Variants in PTBP3 observed in about 807,000 individuals in gnomAD.
PTBP3 encodes the protein polypyrimidine tract binding protein 3.
Under a neutral mutation model 58.7 loss-of-function variants are expected in PTBP3, and 20 were observed. The ratio of observed to expected loss-of-function variants is 0.34; its 90% CI spans 0.24 to 0.50. PTBP3 has a LOEUF of 0.50. Among genes scored for constraint, PTBP3 ranks in the 20% least tolerant of loss-of-function variants. The pLI is 0.98. For synonymous variants in PTBP3, 185 were observed against 219.8 expected, an observed-to-expected ratio of 0.84 and a Z score of 1.40; for missense variants, 509 against 637.2, an observed-to-expected ratio of 0.80 and a Z score of 2.17.
the PTBP3 span, among the ~76,000 whole-genome samples, chr9:112,359,226 A>C: frequency 3.3e-5 from 5 of 151,066 alleles, no homozygotes; most frequent in East Asian, 9.9e-4. Flanking sequence ...GGATCACCTG[A>C]GGTCAGGAGT....
the PTBP3 span, among the ~76,000 whole-genome samples, chr9:112,348,573 A>G: frequency 6.6e-6 from 1 of 152,250 alleles, no homozygotes; most frequent in African/African-American, 2.4e-5. Flanking sequence ...CCCACTCCGA[A>G]GGAAGAATCG....
intron 4 of PTBP3, among the ~76,000 whole-genome samples, chr9:112,265,751 G>A (rs575823712): frequency 1.5e-4 from 23 of 152,152 alleles, no homozygotes; most frequent in Non-Finnish European, 2.6e-4. Context: ...GGCATAGAGT[G>A]TGTGTAGAAA....
chr9:112,348,928 C>G, the PTBP3 span, among the ~76,000 whole-genome samples: 1 of 152,162 alleles, frequency 6.6e-6, no homozygotes, highest in Non-Finnish European at 1.5e-5. Flanking sequence ...AGGGGATTTC[C>G]CTTATTTTCT....
chr9:112,254,964 C>T (rs1379104657), intron 5 of PTBP3, among the ~76,000 whole-genome samples: 1 of 152,030 alleles, frequency 6.6e-6, no homozygotes, highest in Non-Finnish European at 1.5e-5. Context: ...CAGGAAGCAA[C>T]CAAAGTGTTC....
At chr9:112,356,635 G>A in the PTBP3 span, among the ~76,000 whole-genome samples, 4 of 151,130 alleles carry the variant, frequency 2.6e-5, no homozygotes, top group Non-Finnish European at 5.9e-5. Context: ...TCCGCTGCTT[G>A]TGCTCATATA....
chr9:112,234,962 T>C, intron 7 of PTBP3, 65 bp from the exon 8 acceptor site: 3 of 1,364,188 alleles, frequency 2.2e-6, no homozygotes, highest in Non-Finnish European at 3.1e-6. Flanking sequence ...CAAAGCAATA[T>C]AAAATGGCTC....
At chr9:112,295,256 AAAAAAG>A (rs910444113) in intron 2 of PTBP3, among the ~76,000 whole-genome samples, 4 of 151,888 alleles carry the variant, frequency 2.6e-5, no homozygotes, top group African/African-American at 9.7e-5. Context: ...AAAAAAAAAA[AAAAAAG>A]AAGTTAATCT....
At chr9:112,279,279 T>C (rs1827756293) in intron 2 of PTBP3, among the ~76,000 whole-genome samples, 1 of 152,188 alleles carries the variant, frequency 6.6e-6, no homozygotes, top group South Asian at 2.1e-4. Context: ...AAAATAAGCA[T>C]TCAAAATACT....
chr9:112,254,189 T>C (rs1231972728), intron 5 of PTBP3, among the ~76,000 whole-genome samples: 1 of 152,146 alleles, frequency 6.6e-6, no homozygotes, highest in East Asian at 1.9e-4. Flanking sequence ...TCTCACTATG[T>C]TGGCCAGGCT....
Position 112,220,679 on chromosome 9 carries a change from T to C in PTBP3, c.*3172A>G. ...CTCCAGTAAGTATCAATTAAGATACTGGGTCATTTTTCTATTTGTATGTTA... is the reference window on the plus strand; with the variant it reads ...CTCCAGTAAGTATCAATTAAGATACCGGGTCATTTTTCTATTTGTATGTTA... On this transcript the variant is annotated 3_prime_UTR_variant, in exon 14 of 14. Transcript: ENST00000374257. 1 of 986,506 alleles carries C rather than the reference T, an allele frequency of 1.0e-6. No individual in the cohort carries two copies. The highest frequency in any genetic ancestry group is 1.2e-6 in the Non-Finnish European group (1 of 830,468). The allele number at this position is 986,506 out of a possible 1,614,324, so 61.1% of individuals were successfully genotyped here.
chr9:112,333,672 T>C (rs1055838598), upstream of PTBP3: 1 of 514,940 alleles, frequency 1.9e-6, no homozygotes, highest in African/African-American at 2.1e-5. Flanking sequence ...GCCCCCGCCT[T>C]CCCCACCCCG....
At chr9:112,327,687 G>T (rs1420888979) in intron 1 of PTBP3, among the ~76,000 whole-genome samples, 2 of 151,932 alleles carry the variant, frequency 1.3e-5, no homozygotes, top group African/African-American at 4.8e-5. Context: ...ATACACTTAG[G>T]TATAACATGA....
chr9:112,234,994 A>T, intron 7 of PTBP3, 97 bp from the exon 8 acceptor site: 1 of 988,354 alleles, frequency 1.0e-6, no homozygotes, highest in Non-Finnish European at 1.5e-6. Context: ...ATTACTAACA[A>T]AGAGATTCTG....
the PTBP3 span, among the ~76,000 whole-genome samples, chr9:112,375,417 T>C: frequency 1.3e-5 from 2 of 152,238 alleles, no homozygotes; most frequent in African/African-American, 2.4e-5. Flanking sequence ...TTTCCCTTTA[T>C]TGCTGGCCTG....
chr9:112,250,756 C>T (rs1836078027), intron 7 of PTBP3, among the ~76,000 whole-genome samples, 173 bp downstream of exon 7: 1 of 152,070 alleles, frequency 6.6e-6, no homozygotes, highest in South Asian at 2.1e-4. Context: ...ACTAACAGAA[C>T]CTCCTAATAT....
At chr9:112,244,165 G>A (rs565360518) in intron 7 of PTBP3, among the ~76,000 whole-genome samples, 24 of 151,040 alleles carry the variant, frequency 1.6e-4, no homozygotes, top group East Asian at 5.8e-4. Flanking sequence ...GGTGGCATGC[G>A]CCTGTAGTCC....
intron 2 of PTBP3, 98 bp downstream of exon 2, chr9:112,297,734 A>C: frequency 2.1e-6 from 2 of 967,432 alleles, no homozygotes; most frequent in South Asian, 1.7e-5. Context: ...TGTTATGAAC[A>C]GTGGCACTTC....
chr9:112,359,541 C>T, the PTBP3 span, among the ~76,000 whole-genome samples: 4 of 151,246 alleles, frequency 2.6e-5, no homozygotes, highest in South Asian at 4.2e-4. Context: ...CGGTGGCTCA[C>T]ACCTGTAATC....
At chr9:112,295,493 C>G (rs1428875770) in intron 2 of PTBP3, among the ~76,000 whole-genome samples, 2 of 150,446 alleles carry the variant, frequency 1.3e-5, no homozygotes, top group Non-Finnish European at 3.0e-5. Flanking sequence ...TCCACTTATA[C>G]CTTGTCAAGA....
Sources: allele counts gnomAD v4.1 joint callset (sites outside exome capture counted in the v4.1 genomes callset), GRCh38; gene constraint gnomAD v4.1.1; transcripts MANE v1.5; gene names NCBI Gene and HGNC (gene_info 2026-07-23, HGNC 2026-07-21).